Variants in SETD2 observed in about 807,000 individuals in gnomAD.
The protein encoded by SETD2 is histone-lysine N-methyltransferase SETD2.
SETD2 carries 31 observed loss-of-function variants against 242.1 expected under a neutral mutation model. The ratio of observed to expected loss-of-function variants is 0.13; its 90% CI spans 0.10 to 0.17. SETD2 has a LOEUF of 0.17. Ranked by LOEUF, SETD2 falls within the 10% of genes least tolerant of loss-of-function variation. The pLI, the probability that SETD2 is intolerant of heterozygous loss-of-function variation, is 1.00. For synonymous variants in SETD2, 1,006 were observed against 1,066.5 expected, an observed-to-expected ratio of 0.94 and a Z score of 1.11; for missense variants, 2,481 against 3,046.3, an observed-to-expected ratio of 0.81 and a Z score of 4.37.
intron 15 of SETD2, among the ~76,000 whole-genome samples, chr3:47,053,682 G>A (rs2039943640): frequency 6.6e-6 from 1 of 152,172 alleles, no homozygotes; most frequent in Non-Finnish European, 1.5e-5. Flanking sequence ...ATCACAGCTT[G>A]CAAACTCTGA....
intron 12 of SETD2, among the ~76,000 whole-genome samples, chr3:47,075,915 T>C (rs1481685649): frequency 6.6e-6 from 1 of 152,220 alleles, no homozygotes; most frequent in African/African-American, 2.4e-5. Flanking sequence ...AAAGAAAGTA[T>C]GAAGTTACCA....
intron 18 of SETD2, among the ~76,000 whole-genome samples, chr3:47,033,039 TA>T (rs914254877): frequency 3.8e-4 from 58 of 151,546 alleles, no homozygotes; most frequent in African/African-American, 1.3e-3. Flanking sequence ...TAAATTTTAC[TA>T]AAAAAAAATT....
chr3:47,055,458 C>A (rs1161037865), intron 15 of SETD2, among the ~76,000 whole-genome samples: 2 of 151,616 alleles, frequency 1.3e-5, no homozygotes, highest in Admixed American at 6.6e-5. Flanking sequence ...GTAATCTCAA[C>A]ACTTTGGGAG....
In SETD2 at chr3:47,057,003, C is replaced by G. The variant is rs1388854944; in HGVS notation, c.6781G>C (p.Ala2261Pro). ...DSSVAVLPVP[A>P]PGPVQGQNYS... ...TTCTGTCCCTGAACTGGGCCGGGGG[C>G]CGGCACTGGCAAGACAGCAACGCTG... The change falls in exon 15 of 21, where the codon GCC (alanine) becomes CCC (proline). Residue 2261 changes from alanine (A) to proline (P), a missense_variant. Physicochemically the swap from Ala to Pro is conservative, Grantham distance 27. Transcript: ENST00000409792. 6.2e-7 allele frequency: 1 copy of G among 1,614,244 alleles called. No individual in the cohort carries two copies.
chr3:47,073,527 G>C (rs187258263), intron 12 of SETD2, among the ~76,000 whole-genome samples: 1 of 152,126 alleles, frequency 6.6e-6, no homozygotes, highest in African/African-American at 2.4e-5. Context: ...TACATGGGTG[G>C]GAAAGAGGAA....
intron 15 of SETD2, 80 bp from the exon 16 acceptor site, chr3:47,046,701 C>A: frequency 7.6e-7 from 1 of 1,315,490 alleles, no homozygotes; most frequent in Non-Finnish European, 1.0e-6. Flanking sequence ...TTGGCACAAT[C>A]TTAAAGATAT....
At chr3:47,024,732 A>G (rs555469381) in intron 18 of SETD2, among the ~76,000 whole-genome samples, 1 of 152,350 alleles carries the variant, frequency 6.6e-6, no homozygotes, top group African/African-American at 2.4e-5. Flanking sequence ...TTTTAACATA[A>G]CATAGTTAGA....
At chr3:47,089,426 G>A (rs907301005) in intron 9 of SETD2, among the ~76,000 whole-genome samples, 3 of 152,130 alleles carry the variant, frequency 2.0e-5, no homozygotes, top group Non-Finnish European at 4.4e-5. Flanking sequence ...CAGCCTGGGT[G>A]ACACAGTGAA....
intron 15 of SETD2, among the ~76,000 whole-genome samples, chr3:47,056,092 A>ATT (rs146077691): frequency 5.3e-5 from 6 of 112,996 alleles, no homozygotes; most frequent in East Asian, 2.5e-4. Flanking sequence ...AGAAAACATG[A>ATT]TTTTTATTTA....
intron 12 of SETD2, among the ~76,000 whole-genome samples, chr3:47,083,178 A>ATT (rs1219663228): frequency 6.6e-6 from 1 of 152,162 alleles, no homozygotes; most frequent in Admixed American, 6.6e-5. Context: ...TTCCAGATCT[A>ATT]TTTTTCCTCT....
intron 18 of SETD2, among the ~76,000 whole-genome samples, chr3:47,020,299 T>C (rs904155775): frequency 2.6e-5 from 4 of 152,194 alleles, no homozygotes; most frequent in African/African-American, 9.6e-5. Flanking sequence ...GGCTAGACTG[T>C]AGAAGACAGT....
At chr3:47,056,262 T>A (rs906501395) in intron 15 of SETD2, among the ~76,000 whole-genome samples, 3 of 151,536 alleles carry the variant, frequency 2.0e-5, no homozygotes, top group Non-Finnish European at 2.9e-5. Flanking sequence ...GTAGCTGGGA[T>A]TACAGGCATG....
chr3:47,118,360 TA>T (rs1402254894), intron 3 of SETD2, among the ~76,000 whole-genome samples: 1 of 152,186 alleles, frequency 6.6e-6, no homozygotes, highest in African/African-American at 2.4e-5. Flanking sequence ...ATATTCATAT[TA>T]TTTTTTATAA....
At chr3:47,114,045 C>A (rs370810141) in intron 4 of SETD2, 41 bp from the exon 5 acceptor site, 2 of 1,580,858 alleles carry the variant, frequency 1.3e-6, no homozygotes, top group South Asian at 1.1e-5. Context: ...TTTAAAGCAG[C>A]AAAAGAACCA....
Position 47,123,012 on chromosome 3 carries a change from C to T in SETD2, c.1624G>A (p.Gly542Arg), listed in dbSNP as rs2106693142. The change falls in exon 3 of 21, where the codon GGG becomes AGG. Residue 542 changes from glycine (G) to arginine (R), a missense_variant. By Grantham distance (125) the Gly-to-Arg change is moderately radical. Around this residue, in one of 17 missense-constraint regions of SETD2, gnomAD observed 1,300 missense variants for 1,259.2 expected, o/e 1.03. Coordinates refer to ENST00000409792, the MANE Select transcript of SETD2 (RefSeq NM_014159.7). ...CTGTCATGCTTAGAATATGATGACC[C>T]TCGTCGGAATCCCAGTTCATTAGGG... is the stretch of plus-strand genomic sequence containing the variant. ...SPPNELGFRR[G>R]SSYSKHDSSA... 6.2e-7 allele frequency: 1 copy of T among 1,613,986 alleles called. No individual in the cohort carries two copies.
At position 47,017,309 on chromosome 3, in the gene SETD2, T is replaced by C. The variant is rs996160516; in HGVS notation, c.7534-55A>G. On this transcript the variant is annotated intron_variant, in intron 20 of 20. Transcript: ENST00000409792. The surrounding 1 kb of genome is among the most constrained non-coding windows in gnomAD (Gnocchi z 4.8). ...GCCACCAATCAGAGCAGAAATTATATGAGGGGGAGGACAGGGGTGGTAATC... is the reference window on the plus strand; with the variant it reads ...GCCACCAATCAGAGCAGAAATTATACGAGGGGGAGGACAGGGGTGGTAATC... 3.1e-6 allele frequency: 5 copies of C among 1,593,140 alleles called. No homozygotes were observed. The African/African-American group carries it at 5.4e-5, about 17-fold the overall frequency.
intron 9 of SETD2, 135 bp downstream of exon 9, chr3:47,097,820 T>A: frequency 1.3e-6 from 1 of 776,580 alleles, no homozygotes; most frequent in Non-Finnish European, 2.0e-6. Flanking sequence ...CAATTGCATC[T>A]CTTTTCTGGT....
At chr3:47,151,093 C>T (rs1356394380) in intron 1 of SETD2, among the ~76,000 whole-genome samples, 2 of 152,048 alleles carry the variant, frequency 1.3e-5, no homozygotes, top group Admixed American at 1.3e-4. Flanking sequence ...CTACTAGTTA[C>T]TAGGATTCCT....
chr3:47,018,983 A>G (rs915722217), intron 19 of SETD2, among the ~76,000 whole-genome samples: 1 of 152,234 alleles, frequency 6.6e-6, no homozygotes, highest in Non-Finnish European at 1.5e-5. Context: ...CAGCCCTAAT[A>G]TGGCATACTT....
Sources: allele counts gnomAD v4.1 joint callset (sites outside exome capture counted in the v4.1 genomes callset), GRCh38; gene constraint gnomAD v4.1.1; regional missense constraint gnomAD v4.1.1; non-coding constraint Gnocchi (gnomAD v3.1); transcripts MANE v1.5; gene names NCBI Gene and HGNC (gene_info 2026-07-23, HGNC 2026-07-21).